The following MYH3 variants were observed in gnomAD, a reference collection of about 807,000 sequenced individuals.
MYH3 encodes the protein myosin heavy chain 3.
MYH3 carries 130 observed loss-of-function variants against 238.0 expected under a neutral mutation model. The ratio of observed to expected loss-of-function variants is 0.55; its 90% confidence interval spans 0.47 to 0.63. MYH3 has a LOEUF of 0.63. Among genes scored for constraint, MYH3 ranks in the 30% least tolerant of loss-of-function variants. MYH3 has a pLI of 0.00. For synonymous variants in MYH3, 880 were observed against 924.1 expected (o/e 0.95, Z 0.86); for missense variants, 1,853 against 2,374.9 (o/e 0.78, Z 4.57).
At chr17:10,665,147 ATTTT>A in the MYH3 span, among the ~76,000 whole-genome samples, 31,535 of 151,678 alleles carry the variant, frequency 0.21, 3,457 homozygotes, top group Non-Finnish European at 0.25. Context: ...TTTATTTTTT[ATTTT>A]TTTATTTTTG....
upstream of MYH3, among the ~76,000 whole-genome samples, chr17:10,661,632 T>A (rs2074480999): frequency 1.3e-5 from 2 of 152,162 alleles, no homozygotes; most frequent in Admixed American, 1.3e-4. Flanking sequence ...GCCCCCTTCT[T>A]CACGATGCTC....
At position 10,638,909 on chromosome 17, in the gene MYH3, C is replaced by G. The variant is rs2074243035; in HGVS notation, c.3303G>C (p.Leu1101=). The G allele has an allele frequency of 6.2e-7, 1 of 1,614,168 alleles. No homozygotes were observed. The highest frequency in any genetic ancestry group is 1.7e-5 in the Admixed American group (1 of 60,030). Residue 1101 remains leucine (L), a synonymous_variant, in exon 26 of 41, where the codon CTG becomes CTC. Transcript: ENST00000583535. The part of the protein sequence containing the change: ...LQSKVEDEQT[L]GLQFQKKIKE... The stretch of plus-strand genomic sequence containing the variant: ...TGATTTTCTTCTGAAACTGGAGGCC[C>G]AGTGTCTGCTCATCTTCCACTTTGC...
intron 36 of MYH3, 129 bp from the exon 37 acceptor site, chr17:10,630,587 C>T (rs756705700): frequency 1.7e-5 from 23 of 1,384,170 alleles, no homozygotes; most frequent in South Asian, 1.4e-4. Flanking sequence ...CGGTGGCTCA[C>T]GTCTGTAATC....
Position 10,639,660 on chromosome 17 carries a change from C to T in MYH3, c.2825G>A (p.Arg942Lys). ...CTCTGAGCATTCATCCTCCAGTTTCCTCTTCTTGGCCGTCAGCTCAGCATT... is the reference window on the plus strand; with the variant it reads ...CTCTGAGCATTCATCCTCCAGTTTCTTCTTCTTGGCCGTCAGCTCAGCATT... ...EINAELTAKK[R>K]KLEDECSELK... The change falls in exon 23 of 41, where the codon AGG (arginine) becomes AAG (lysine). Residue 942 changes from arginine to lysine, a missense_variant. Arg to Lys is a conservative substitution (Grantham distance 26). Around this residue, in one of 3 missense-constraint regions of MYH3, gnomAD observed 678 missense variants for 1,058.9 expected, o/e 0.64. Coordinates refer to ENST00000583535, the MANE Select transcript of MYH3 (RefSeq NM_002470.4). 6.2e-7 allele frequency: 1 copy of T among 1,614,080 alleles called. No individual in the cohort carries two copies. The highest frequency in any genetic ancestry group is 8.5e-7 in the Non-Finnish European group (1 of 1,180,028).
chr17:10,651,746 T>G (rs2074377686), intron 4 of MYH3, 78 bp from the exon 5 acceptor site: 7 of 764,016 alleles, frequency 9.2e-6, no homozygotes, highest in Admixed American at 5.8e-5. Flanking sequence ...TTATTATTAT[T>G]GTTTTTTTTT....
At chr17:10,652,359 C>T (rs1567562626) in intron 4 of MYH3, 61 bp downstream of exon 4, 1 of 1,592,472 alleles carries the variant, frequency 6.3e-7, no homozygotes, top group East Asian at 2.2e-5. Context: ...ATACCTCTGC[C>T]TCCCTCCCCT....
At chr17:10,669,622 GGTTGGGC>G in the MYH3 span, among the ~76,000 whole-genome samples, 1 of 151,150 alleles carries the variant, frequency 6.6e-6, no homozygotes, top group African/African-American at 2.4e-5. Flanking sequence ...GTCATCTTCA[GGTTGGGC>G]ACGGTGGCTT....
Position 10,648,410 on chromosome 17 carries a change from G to C in MYH3, c.735+147C>G. The C allele has an allele frequency of 5.2e-6, 4 of 773,950 alleles. No homozygotes were observed. In the South Asian group the frequency reaches 5.8e-5, roughly 11 times the overall value. 47.9% of individuals were successfully genotyped at this position (773,950 alleles called of 1,614,324 possible). On this transcript the variant is annotated intron_variant, in intron 8 of 40. Coordinates refer to ENST00000583535, the MANE Select transcript of MYH3 (RefSeq NM_002470.4). ...ACACGCTGTTCATTGAACTTGGTCT[G>C]AATTTATCTTTATCTGAAATGGTCT...
rs1567552395 is a variant in MYH3, at chr17:10,632,782, A to G, written c.4650T>C (p.Ala1550=). The change falls in exon 34 of 41, where the codon GCT becomes GCC. Residue 1550 remains alanine (A), a splice_region_variant and synonymous_variant. Transcript: ENST00000583535. ...TCTTGGCTTCTTCATGCTCAAGAGCAGCCTTTAAGAAACAAAAGCAAATCA... is the reference window on the plus strand; with the variant it reads ...TCTTGGCTTCTTCATGCTCAAGAGCGGCCTTTAAGAAACAAAAGCAAATCA... ...DIQLALEEAE[A]ALEHEEAKIL... 1.9e-6 allele frequency: 3 copies of G among 1,614,258 alleles called. No homozygotes were observed. Among genetic ancestry groups the G allele is most frequent in the East Asian group, 2.2e-5 (1 of 44,890 alleles).
In MYH3 at chr17:10,632,090, TTTTG is replaced by T. The variant is rs370004215; in HGVS notation, c.4957-78_4957-75del. ...CACGAGCCTCATCTGCATCTCTGAG[TTTTG>T]TTTGTTTGTTTGTTTGTTTTTGTTT... On this transcript the variant is annotated intron_variant, in intron 34 of 40. Transcript: ENST00000583535. 1.4e-3 allele frequency: 2,081 copies of T among 1,517,808 alleles called. 13 individuals are homozygous for T. The highest frequency in any genetic ancestry group is 0.012 in the East Asian group (497 of 42,832). The allele number at this position is 1,517,808 out of a possible 1,614,324, so 94.0% of individuals were successfully genotyped here. A position where few individuals can be genotyped will look rare whatever the true frequency, so the allele number is the denominator to read the frequency against.
rs143574829 is a variant in MYH3 at position 10,635,391 on chromosome 17, C to A, written c.4148G>T (p.Arg1383Leu). The A allele has an allele frequency of 6.2e-6, 10 of 1,614,026 alleles. No individual in the cohort carries two copies. The highest frequency in any genetic ancestry group is 8.5e-6 in the Non-Finnish European group (10 of 1,179,874). ...RTKYETDAIQ[R>L]TEELEEAKKK... ...CTTGGCCTCCTCCAGCTCTTCTGTG[C>A]GCTGGATGGCGTCCGTCTCGTATTT... The change falls in exon 30 of 41, where the codon CGC becomes CTC. Residue 1383 changes from arginine to leucine, a missense_variant. By Grantham distance (102) the Arg-to-Leu change is moderately radical. Coordinates refer to ENST00000583535, the MANE Select transcript of MYH3 (RefSeq NM_002470.4).
the MYH3 span, chr17:10,672,340 T>TA: frequency 6.6e-6 from 1 of 152,116 alleles, no homozygotes; most frequent in Non-Finnish European, 1.5e-5. Context: ...TACTACACTT[T>TA]AAAAAAAGTA....
At chr17:10,635,134 T>C in intron 30 of MYH3, 111 bp from the exon 31 acceptor site, 2 of 1,376,914 alleles carry the variant, frequency 1.5e-6, no homozygotes, top group Non-Finnish European at 2.0e-6. Context: ...CCCATGTGTT[T>C]TTATACGCCC....
In MYH3 at chr17:10,645,830, G is replaced by A. The variant is rs1332656003; in HGVS notation, c.1018C>T (p.Leu340=). 6.2e-7 allele frequency: 1 copy of A among 1,613,890 alleles called. No individual in the cohort carries two copies. Among genetic ancestry groups the A allele is most frequent in the Non-Finnish European group, 8.5e-7 (1 of 1,180,012 alleles). Residue 340 remains leucine, a synonymous_variant, in exon 12 of 41, where the codon CTG becomes TTG. Transcript: ENST00000583535. ...GATTTCTCTTCTGGGGTGAAGCCCA[G>A]GATGTCAATGGCGCTCTGGCATGGA... The part of the protein sequence containing the change: ...LLATDSAIDI[L]GFTPEEKSGL...
chr17:10,649,552 G>A, intron 7 of MYH3, 25 bp downstream of exon 7: 1 of 1,581,840 alleles, frequency 6.3e-7, no homozygotes, highest in Non-Finnish European at 8.7e-7. Flanking sequence ...TGGAAGCAAA[G>A]CAAGCCTTCC....
At chr17:10,677,469 G>A in the MYH3 span, 1 of 152,108 alleles carries the variant, frequency 6.6e-6, no homozygotes, top group South Asian at 2.1e-4. Context: ...AAAAGGTTTG[G>A]GAGATTATGG....
intron 14 of MYH3, 119 bp downstream of exon 14, chr17:10,644,232 C>T: frequency 9.6e-7 from 1 of 1,044,172 alleles, no homozygotes; most frequent in Non-Finnish European, 1.5e-6. Flanking sequence ...ATCCACTCTC[C>T]ATCTAGTTTC....
At chr17:10,645,902 C>T in intron 11 of MYH3, 27 bp downstream of exon 11, 3 of 1,613,608 alleles carry the variant, frequency 1.9e-6, no homozygotes, top group Non-Finnish European at 1.7e-6. Context: ...AGGAGGAACA[C>T]CCACCCCTTC....
chr17:10,636,690 C>T (rs968749533), intron 28 of MYH3, among the ~76,000 whole-genome samples: 49 of 152,068 alleles, frequency 3.2e-4, no homozygotes, highest in African/African-American at 1.1e-3. Flanking sequence ...CCGACGCAGG[C>T]GGATCACGAG....
Sources: allele counts gnomAD v4.1 joint callset (sites outside exome capture counted in the v4.1 genomes callset), GRCh38; gene constraint gnomAD v4.1.1; regional missense constraint gnomAD v4.1.1; transcripts MANE v1.5; gene names NCBI Gene and HGNC (gene_info 2026-07-23, HGNC 2026-07-21).